Variants in MAP3K2 observed in about 807,000 individuals in gnomAD.
The protein encoded by MAP3K2 is mitogen-activated protein kinase kinase kinase 2, also known as MAP/ERK kinase kinase 2.
In MAP3K2, 24 loss-of-function variants were observed where a neutral mutation model predicts 80.3. That is an observed-to-expected ratio of 0.30 (90% CI 0.22 to 0.42). The LOEUF (loss-of-function observed/expected upper bound fraction) is 0.42. Among genes scored for constraint, MAP3K2 ranks in the 10% least tolerant of loss-of-function variants. The pLI is 1.00. For synonymous variants in MAP3K2, 244 were observed against 253.7 expected, an observed-to-expected ratio of 0.96 and a Z score of 0.36; for missense variants, 608 against 750.1, an observed-to-expected ratio of 0.81 and a Z score of 2.21.
chr2:127,345,458 C>T (rs561943369), intron 1 of MAP3K2, among the ~76,000 whole-genome samples: 3 of 152,138 alleles, frequency 2.0e-5, no homozygotes, highest in African/African-American at 2.4e-5. Flanking sequence ...CGTTCAATAA[C>T]GGATAAAATA....
In MAP3K2 at chr2:127,305,677, AAAATAAAGTACT is replaced by A. The variant is rs1299339510; in HGVS notation, c.*1890_*1901del. Reference sequence around the variant, plus strand: ...GAAGACTGTTGTTTTCTAGACCTTTAAAATAAAGTACTAAATAAAGTACTAATAAAGTACTTA... The same window carrying A: ...GAAGACTGTTGTTTTCTAGACCTTTAAAATAAAGTACTAATAAAGTACTTA... On this transcript the variant is annotated 3_prime_UTR_variant, in exon 17 of 17. Transcript: ENST00000682094. 4 of 152,148 alleles carry A rather than the reference AAAATAAAGTACT, an allele frequency of 2.6e-5. No homozygotes were observed. Among genetic ancestry groups the A allele is most frequent in the African/African-American group, 4.8e-5 (2 of 41,448 alleles). The allele number at this position is 152,148 out of a possible 1,614,324, so 9.4% of individuals were successfully genotyped here. A position where few individuals can be genotyped will look rare whatever the true frequency, so the allele number is the denominator to read the frequency against.
Position 127,317,617 on chromosome 2 carries a change from GTACTAACT to G in MAP3K2, c.1326+4_1326+11del. The G allele has an allele frequency of 6.5e-7, 1 of 1,530,806 alleles. No homozygotes were observed. The highest frequency in any genetic ancestry group is 1.3e-5 in the South Asian group (1 of 78,510). 94.8% of individuals were successfully genotyped at this position (1,530,806 alleles called of 1,614,324 possible). A position where few individuals can be genotyped will look rare whatever the true frequency, so the allele number is the denominator to read the frequency against. ...ATAGAATGTGTATTTTCAAAAAGAT[GTACTAACT>G]TACCCCTGGCATATATTCCATAAAT... On this transcript the variant is annotated splice_donor_5th_base_variant and intron_variant, in intron 14 of 16. Transcript: ENST00000682094.
At chr2:127,325,331 C>T (rs1686110775) in intron 9 of MAP3K2, among the ~76,000 whole-genome samples, 1 of 152,144 alleles carries the variant, frequency 6.6e-6, no homozygotes, top group Admixed American at 6.5e-5. Context: ...AAAAAAGTTA[C>T]TGATAATTCA....
chr2:127,329,594 A>C (rs895974722), intron 7 of MAP3K2, among the ~76,000 whole-genome samples: 1 of 152,156 alleles, frequency 6.6e-6, no homozygotes, highest in Admixed American at 6.6e-5. Context: ...TGACCTTGTG[A>C]TCTGCCCGCC....
chr2:127,356,389 T>G (rs573820780), intron 1 of MAP3K2, among the ~76,000 whole-genome samples: 1 of 151,712 alleles, frequency 6.6e-6, no homozygotes, highest in Non-Finnish European at 1.5e-5. Flanking sequence ...TACAATATAC[T>G]GTAGTCTACT....
intron 2 of MAP3K2, among the ~76,000 whole-genome samples, chr2:127,341,778 C>T (rs559151434): frequency 5.9e-4 from 89 of 151,380 alleles, no homozygotes; most frequent in Non-Finnish European, 1.2e-3. Context: ...GTGATCCACC[C>T]GACTCGGCCT....
At chr2:127,344,671 T>TA (rs1336039785) in intron 1 of MAP3K2, among the ~76,000 whole-genome samples, 3 of 152,008 alleles carry the variant, frequency 2.0e-5, no homozygotes, top group African/African-American at 7.3e-5. Flanking sequence ...CGAAAACATT[T>TA]AAAAAATTGT....
chr2:127,343,988 C>T (rs771637084), intron 1 of MAP3K2, among the ~76,000 whole-genome samples: 15 of 150,974 alleles, frequency 9.9e-5, no homozygotes, highest in Middle Eastern at 3.2e-3. Context: ...CCAGTCTGGG[C>T]GACACAGCGA....
At chr2:127,334,692 C>T (rs1686330267) in intron 5 of MAP3K2, among the ~76,000 whole-genome samples, 2 of 152,124 alleles carry the variant, frequency 1.3e-5, no homozygotes, top group Admixed American at 1.3e-4. Context: ...GATCCTCCTG[C>T]CTTGGCCTCC....
chr2:127,388,229 G>T, upstream of MAP3K2: 1 of 864,306 alleles, frequency 1.2e-6, no homozygotes, highest in Non-Finnish European at 1.4e-6. Context: ...GCTGTTCCGT[G>T]TGCGCGGCGC....
chr2:127,351,642 G>C (rs1329332972), intron 1 of MAP3K2, among the ~76,000 whole-genome samples: 1 of 151,916 alleles, frequency 6.6e-6, no homozygotes, highest in Admixed American at 6.6e-5. Flanking sequence ...ATCCTCTCTT[G>C]CATGGATTAC....
chr2:127,347,911 G>A (rs765639227), intron 1 of MAP3K2, among the ~76,000 whole-genome samples: 2 of 152,088 alleles, frequency 1.3e-5, no homozygotes, highest in Non-Finnish European at 2.9e-5. Flanking sequence ...ACAATGACAG[G>A]TGGTAATGAA....
At chr2:127,355,353 TTAAAG>T (rs1260720860) in intron 1 of MAP3K2, among the ~76,000 whole-genome samples, 3 of 152,100 alleles carry the variant, frequency 2.0e-5, no homozygotes, top group South Asian at 2.1e-4. Context: ...AACATCATCA[TTAAAG>T]TAAAGGTATA....
chr2:127,313,225 C>T (rs115792209), intron 15 of MAP3K2, among the ~76,000 whole-genome samples: 594 of 152,294 alleles, frequency 3.9e-3, no homozygotes, highest in African/African-American at 7.9e-3. Flanking sequence ...ATCCACTCGG[C>T]GGGTAGCTCC....
chr2:127,367,408 T>C (rs575043138), intron 1 of MAP3K2, among the ~76,000 whole-genome samples: 129 of 152,360 alleles, frequency 8.5e-4, no homozygotes, highest in African/African-American at 2.9e-3. Flanking sequence ...AAAGCCATCA[T>C]ATGAAACATA....
chr2:127,326,547 AT>A, intron 8 of MAP3K2, 139 bp downstream of exon 8: 1 of 519,842 alleles, frequency 1.9e-6, no homozygotes. Flanking sequence ...ATTTTCCTAT[AT>A]TTTTTCTATT....
chr2:127,369,714 T>C (rs1687030866), intron 1 of MAP3K2, among the ~76,000 whole-genome samples: 1 of 152,166 alleles, frequency 6.6e-6, no homozygotes, highest in Non-Finnish European at 1.5e-5. Flanking sequence ...AAAGATTAAA[T>C]TTCCCCATCC....
At chr2:127,352,472 G>C (rs1167614999) in intron 1 of MAP3K2, among the ~76,000 whole-genome samples, 1 of 152,110 alleles carries the variant, frequency 6.6e-6, no homozygotes, top group Non-Finnish European at 1.5e-5. Context: ...GTCATTTGAA[G>C]TTTCATTCTT....
chr2:127,313,580 A>G (rs1042718189), intron 15 of MAP3K2, among the ~76,000 whole-genome samples: 1 of 152,244 alleles, frequency 6.6e-6, no homozygotes, highest in Non-Finnish European at 1.5e-5. Context: ...AAGAGTCCCC[A>G]GCAAGACCAA....
Sources: allele counts gnomAD v4.1 joint callset (sites outside exome capture counted in the v4.1 genomes callset), GRCh38; gene constraint gnomAD v4.1.1; transcripts MANE v1.5; gene names NCBI Gene and HGNC (gene_info 2026-07-23, HGNC 2026-07-21).